Variants in RUNX1 observed in about 807,000 individuals in gnomAD.
RUNX1 encodes RUNX family transcription factor 1.
A neutral mutation model predicts 42.8 loss-of-function variants in RUNX1; 19 were observed. That is an observed-to-expected ratio of 0.44 (90% CI 0.31 to 0.65). RUNX1 has a LOEUF of 0.65. RUNX1 is among the 30% of genes least tolerant of loss of function. The pLI is 0.07. For missense variants in RUNX1, 528 were observed against 672.0 expected, an observed-to-expected ratio of 0.79 and a Z score of 2.37; for synonymous variants, 271 against 289.4, an observed-to-expected ratio of 0.94 and a Z score of 0.64.
At chr21:34,902,237 C>A (rs887238465) in intron 2 of RUNX1, among the ~76,000 whole-genome samples, 3 of 152,080 alleles carry the variant, frequency 2.0e-5, no homozygotes, top group African/African-American at 4.8e-5. Context: ...CTTTTGTGTT[C>A]AAAAATAACA....
chr21:34,854,492 G>A (rs1025201647), intron 6 of RUNX1, among the ~76,000 whole-genome samples: 1 of 151,710 alleles, frequency 6.6e-6, no homozygotes, highest in Non-Finnish European at 1.5e-5. Context: ...GGCTGAGGCA[G>A]GAGACTCGCT....
intron 2 of RUNX1, among the ~76,000 whole-genome samples, chr21:35,035,665 TAACTTTAG>T (rs1201093730): frequency 1.3e-5 from 2 of 152,198 alleles, no homozygotes; most frequent in African/African-American, 4.8e-5. Flanking sequence ...CATCATCTCA[TAACTTTAG>T]TGGGTCAGCC....
At chr21:34,844,575 CAAAT>C (rs1356360233) in intron 6 of RUNX1, among the ~76,000 whole-genome samples, 1 of 149,808 alleles carries the variant, frequency 6.7e-6, no homozygotes, top group African/African-American at 2.4e-5. Context: ...AAATGCTGGA[CAAAT>C]AAATGAATGA....
intron 2 of RUNX1, among the ~76,000 whole-genome samples, chr21:35,014,040 T>C (rs2059143073): frequency 1.3e-5 from 2 of 152,188 alleles, no homozygotes; most frequent in Non-Finnish European, 2.9e-5. Context: ...CATCAAATGA[T>C]AACAGGAGAC....
intron 8 of RUNX1, among the ~76,000 whole-genome samples, chr21:34,793,772 C>A (rs1250034935): frequency 1.3e-5 from 2 of 150,324 alleles, no homozygotes; most frequent in African/African-American, 4.9e-5. Context: ...GGTGTGATCT[C>A]GGCTCACTGC....
intron 2 of RUNX1, among the ~76,000 whole-genome samples, chr21:34,977,268 C>T (rs1043173927): frequency 2.0e-5 from 3 of 152,182 alleles, no homozygotes; most frequent in African/African-American, 7.2e-5. Flanking sequence ...ATCGATGGCT[C>T]ATCCTTCTGA....
chr21:34,968,949 T>C (rs115559227), intron 2 of RUNX1, among the ~76,000 whole-genome samples: 249 of 152,288 alleles, frequency 1.6e-3, no homozygotes, highest in Middle Eastern at 6.8e-3. Flanking sequence ...GCAATAGTTC[T>C]TGGAGTGATG....
chr21:35,004,125 C>G (rs967787936), intron 2 of RUNX1, among the ~76,000 whole-genome samples: 1 of 152,142 alleles, frequency 6.6e-6, no homozygotes, highest in Admixed American at 6.5e-5. Flanking sequence ...TAGACATGGT[C>G]CAGTCAAAGA....
At chr21:35,046,313 T>C (rs926632849) in intron 2 of RUNX1, among the ~76,000 whole-genome samples, 2 of 152,236 alleles carry the variant, frequency 1.3e-5, no homozygotes, top group Non-Finnish European at 2.9e-5. Context: ...TTCACTCCTC[T>C]CTTTCCCCCC....
intron 2 of RUNX1, among the ~76,000 whole-genome samples, chr21:35,007,998 C>T (rs1349116567): frequency 6.6e-6 from 1 of 152,110 alleles, no homozygotes; most frequent in Non-Finnish European, 1.5e-5. Context: ...TCCCATCTAC[C>T]CCACGGCCAC....
intron 3 of RUNX1, chr21:34,889,841 G>T: frequency 9.0e-7 from 1 of 1,109,238 alleles, no homozygotes; most frequent in Non-Finnish European, 1.1e-6. Flanking sequence ...CCGTCACCAT[G>T]AGTCCCTCCA....
At chr21:34,908,761 A>C (rs1184985423) in intron 2 of RUNX1, among the ~76,000 whole-genome samples, 2 of 152,188 alleles carry the variant, frequency 1.3e-5, no homozygotes, top group Non-Finnish European at 2.9e-5. Context: ...TATCAGACAC[A>C]TTTTATCATC....
intron 2 of RUNX1, among the ~76,000 whole-genome samples, chr21:34,933,123 G>A (rs1056016591): frequency 6.6e-6 from 1 of 152,168 alleles, no homozygotes; most frequent in Admixed American, 6.5e-5. Flanking sequence ...GCTTTAATCA[G>A]GATTGCAAAG....
At chr21:34,872,855 A>G (rs2057759883) in intron 5 of RUNX1, among the ~76,000 whole-genome samples, 1 of 152,164 alleles carries the variant, frequency 6.6e-6, no homozygotes. Flanking sequence ...GTCTGCAGAT[A>G]TTGCCAAATG....
chr21:34,864,618 G>A (rs982773192), intron 5 of RUNX1, among the ~76,000 whole-genome samples: 1 of 152,192 alleles, frequency 6.6e-6, no homozygotes, highest in Non-Finnish European at 1.5e-5. Context: ...TCCAGAGGGG[G>A]CCACCACGGG....
chr21:34,913,136 G>A (rs552395954), intron 2 of RUNX1, among the ~76,000 whole-genome samples: 1 of 152,300 alleles, frequency 6.6e-6, no homozygotes, highest in East Asian at 1.9e-4. Context: ...GGAGGGTGAA[G>A]CAGGAAGAAT....
rs137865554 is a variant in RUNX1, at chr21:35,008,802, T to C, written c.58+40040A>G. 9.1e-4 allele frequency among the ~76,000 whole-genome samples: 139 copies of C among 152,254 alleles called. 1 individual carries two copies. Among genetic ancestry groups the C allele is most frequent in the African/African-American group, 3.0e-3 (126 of 41,546 alleles). On this transcript the variant is annotated intron_variant, in intron 2 of 8. Coordinates refer to ENST00000675419, the MANE Select transcript of RUNX1 (RefSeq NM_001754.5). Reference sequence around the variant, plus strand: ...AACCATACTGATTATGGAATGATCATTACAGACTTTGAATAAGGTAGGCTT... The same window carrying C: ...AACCATACTGATTATGGAATGATCACTACAGACTTTGAATAAGGTAGGCTT...
intron 2 of RUNX1, among the ~76,000 whole-genome samples, chr21:34,918,578 A>C (rs2058329854): frequency 6.6e-6 from 1 of 152,240 alleles, no homozygotes; most frequent in South Asian, 2.1e-4. Flanking sequence ...TGAGGCCTAT[A>C]CTGTAAATCT....
At chr21:35,035,111 T>C (rs79580580) in intron 2 of RUNX1, among the ~76,000 whole-genome samples, 107 of 152,286 alleles carry the variant, frequency 7.0e-4, no homozygotes, top group African/African-American at 2.4e-3. Context: ...AGTCAAATAG[T>C]GTCCAATTTA....
Sources: gnomAD v4.1 joint callset for allele counts (sites outside exome capture counted in the v4.1 genomes callset) on GRCh38, gnomAD v4.1.1 for gene constraint, MANE v1.5 for transcripts, NCBI Gene and HGNC (gene_info 2026-07-23, HGNC 2026-07-21) for gene names.